The following EXOC4 variants were observed in gnomAD, a reference collection of about 807,000 sequenced individuals.
EXOC4 encodes exocyst complex component 4.
In EXOC4, 71 loss-of-function variants were observed where a neutral mutation model predicts 107.2. The ratio of observed to expected loss-of-function variants is 0.66; its 90% confidence interval spans 0.55 to 0.81. The LOEUF (loss-of-function observed/expected upper bound fraction) is 0.81. Among genes scored for constraint, EXOC4 ranks in the 30% least tolerant of loss-of-function variants. EXOC4 has a pLI of 0.00. For synonymous variants in EXOC4, 456 were observed against 441.2 expected (o/e 1.03, Z -0.42); for missense variants, 1,108 against 1,189.6 (o/e 0.93, Z 1.01).
Position 133,398,386 on chromosome 7 carries a change from C to T in EXOC4, c.1182+23384C>T, listed in dbSNP as rs181307305. On this transcript the variant is annotated intron_variant, in intron 7 of 17. Transcript: ENST00000253861. ...TAAGGACAAGGATGCACATACAGTC[C>T]TATTATGAAATAGGGCTGTAGCAGC... 2.0e-5 allele frequency among the ~76,000 whole-genome samples: 3 copies of T among 152,240 alleles called. No individual in the cohort carries two copies. In the East Asian group the frequency reaches 5.8e-4, roughly 29 times the overall value.
chr7:133,997,416 A>G, intron 14 of EXOC4, 76 bp from the exon 15 acceptor site: 1 of 1,550,230 alleles, frequency 6.5e-7, no homozygotes, highest in Non-Finnish European at 8.8e-7. Flanking sequence ...CAAGATGAAC[A>G]GCAAAATAAT....
At chr7:133,516,937 A>AT (rs1228839396) in intron 9 of EXOC4, among the ~76,000 whole-genome samples, 1 of 151,822 alleles carries the variant, frequency 6.6e-6, no homozygotes, top group African/African-American at 2.4e-5. Flanking sequence ...AAATGTAAAT[A>AT]TACCATTTAT....
intron 10 of EXOC4, among the ~76,000 whole-genome samples, chr7:133,649,854 A>C (rs1205152333): frequency 6.6e-6 from 1 of 152,166 alleles, no homozygotes; most frequent in Non-Finnish European, 1.5e-5. Flanking sequence ...AATGAACCTC[A>C]GTGAATGATT....
At chr7:133,383,243 C>G (rs1796657771) in intron 7 of EXOC4, among the ~76,000 whole-genome samples, 1 of 152,086 alleles carries the variant, frequency 6.6e-6, no homozygotes, top group Non-Finnish European at 1.5e-5. Context: ...AACCCATCCT[C>G]CAGACGTTAT....
chr7:133,344,501 A>G (rs1192121280), intron 5 of EXOC4, among the ~76,000 whole-genome samples: 1 of 152,160 alleles, frequency 6.6e-6, no homozygotes. Flanking sequence ...TTTTGGTAGC[A>G]TCGGAAGGTT....
At chr7:133,919,604 T>C (rs907880394) in intron 13 of EXOC4, among the ~76,000 whole-genome samples, 5 of 152,326 alleles carry the variant, frequency 3.3e-5, no homozygotes, top group African/African-American at 1.2e-4. Flanking sequence ...TTTCGTCTTT[T>C]GCAGAATGTT....
intron 12 of EXOC4, among the ~76,000 whole-genome samples, chr7:133,915,570 T>A (rs1444081545): frequency 6.6e-6 from 1 of 152,100 alleles, no homozygotes; most frequent in African/African-American, 2.4e-5. Context: ...AATGGGGAGA[T>A]GAACCTGATC....
At chr7:133,513,235 AT>A (rs1373679279) in intron 9 of EXOC4, among the ~76,000 whole-genome samples, 1 of 151,860 alleles carries the variant, frequency 6.6e-6, no homozygotes, top group Non-Finnish European at 1.5e-5. Flanking sequence ...AGACTGGCTA[AT>A]TTTTGTATTT....
chr7:133,681,275 G>C (rs187539647), intron 10 of EXOC4, among the ~76,000 whole-genome samples: 1 of 152,178 alleles, frequency 6.6e-6, no homozygotes, highest in Non-Finnish European at 1.5e-5. Flanking sequence ...AAATTAGGTA[G>C]TAGAGAGCAT....
At position 133,997,555 on chromosome 7, in the gene EXOC4, T is replaced by C; in HGVS notation, c.2270T>C (p.Met757Thr). The C allele has an allele frequency of 6.2e-7, 1 of 1,613,786 alleles. No homozygotes were observed. The highest frequency in any genetic ancestry group is 8.5e-7 in the Non-Finnish European group (1 of 1,179,812). ...TDLPPVSEQI[M>T]QTLSELAKSF... ...CTCCCCCCAGTGTCAGAGCAGATCA[T>C]GCAGACTCTCAGTGAACTTGCCAAA... The change falls in exon 15 of 18, where the codon ATG becomes ACG. Residue 757 changes from methionine (M) to threonine (T), a missense_variant. By Grantham distance (81) the Met-to-Thr change is moderately conservative (BLOSUM62 -1). Transcript: ENST00000253861.
chr7:134,006,620 C>T (rs1008378392), intron 16 of EXOC4, among the ~76,000 whole-genome samples: 10 of 152,022 alleles, frequency 6.6e-5, no homozygotes, highest in South Asian at 2.1e-4. Context: ...AGATAAGCCC[C>T]GCACTCTGAT....
At chr7:133,335,001 T>C (rs572151814) in intron 5 of EXOC4, among the ~76,000 whole-genome samples, 21 of 152,310 alleles carry the variant, frequency 1.4e-4, no homozygotes, top group East Asian at 9.6e-4. Flanking sequence ...TTTCATGTCT[T>C]TGCTATTGTA....
intron 17 of EXOC4, among the ~76,000 whole-genome samples, chr7:134,014,796 T>A (rs1373390571): frequency 6.7e-6 from 1 of 148,272 alleles, no homozygotes; most frequent in African/African-American, 2.5e-5. Context: ...TGAAGGAGTT[T>A]AAAAAAAAAA....
At chr7:133,885,290 G>T (rs1799058182) in intron 11 of EXOC4, among the ~76,000 whole-genome samples, 1 of 150,256 alleles carries the variant, frequency 6.7e-6, no homozygotes, top group South Asian at 2.1e-4. Context: ...CTCCAGCCTG[G>T]TGACAGAGTG....
chr7:134,039,451 T>A (rs886291414), intron 17 of EXOC4, among the ~76,000 whole-genome samples: 1 of 152,222 alleles, frequency 6.6e-6, no homozygotes. Context: ...TCTCTTTGGC[T>A]GGCTGTATTT....
intron 17 of EXOC4, among the ~76,000 whole-genome samples, chr7:134,050,449 C>A (rs575305045): frequency 6.6e-6 from 1 of 151,840 alleles, no homozygotes; most frequent in East Asian, 1.9e-4. Flanking sequence ...CCCTAGTAAC[C>A]TTTTTTATTG....
In EXOC4 at chr7:133,348,586, T is replaced by G. The variant is rs181764888; in HGVS notation, c.764-7744T>G. ...GAAGAGCATTTTGTCTCACCTAAAT[T>G]CCTATTACTTTTTGGTCCTACCTGA... On this transcript the variant is annotated intron_variant, in intron 5 of 17. Coordinates refer to ENST00000253861, the MANE Select transcript of EXOC4 (RefSeq NM_021807.4). 3.0e-3 allele frequency among the ~76,000 whole-genome samples: 455 copies of G among 152,292 alleles called. 7 individuals are homozygous for G. Among genetic ancestry groups the G allele is most frequent in the Non-Finnish European group, 5.0e-4 (34 of 68,016 alleles).
rs7778826 is a variant in EXOC4 at position 133,832,002 on chromosome 7, A to G, written c.1734+14458A>G. ...CCCACCATCTCCCATTAATTTACTT[A>G]ACTGTATACATGGAGTCTAGTATAC... On this transcript the variant is annotated intron_variant, in intron 11 of 17. Coordinates refer to ENST00000253861, the MANE Select transcript of EXOC4 (RefSeq NM_021807.4). 8.4e-3 allele frequency among the ~76,000 whole-genome samples: 1,285 copies of G among 152,272 alleles called. 17 individuals carry two copies. Among genetic ancestry groups the G allele is most frequent in the African/African-American group, 0.03 (1,229 of 41,558 alleles).
chr7:133,971,353 TATATATATAG>T (rs1409846703), intron 14 of EXOC4, among the ~76,000 whole-genome samples: 6 of 102,326 alleles, frequency 5.9e-5, no homozygotes, highest in Non-Finnish European at 1.1e-4. Flanking sequence ...TATATATATA[TATATATATAG>T]AGAGAGAGAG....
Sources: allele counts gnomAD v4.1 joint callset (sites outside exome capture counted in the v4.1 genomes callset), GRCh38; gene constraint gnomAD v4.1.1; transcripts MANE v1.5; gene names NCBI Gene and HGNC (gene_info 2026-07-23, HGNC 2026-07-21).